The following GPC6 variants were observed in gnomAD, a reference collection of about 807,000 sequenced individuals.
The protein encoded by GPC6 is glypican 6.
In GPC6, 14 loss-of-function variants were observed where a neutral mutation model predicts 55.2. That is an observed-to-expected ratio of 0.25 (90% CI 0.17 to 0.40). The LOEUF (loss-of-function observed/expected upper bound fraction) is 0.40. Among genes scored for constraint, GPC6 ranks in the 10% least tolerant of loss-of-function variants. GPC6 has a pLI of 1.00. For missense variants in GPC6, 641 were observed against 708.5 expected, an observed-to-expected ratio of 0.90 and a Z score of 1.08; for synonymous variants, 278 against 259.6, an observed-to-expected ratio of 1.07 and a Z score of -0.68.
Position 93,236,895 on chromosome 13 carries a change from A to G in GPC6, c.160+9279A>G, listed in dbSNP as rs1245057420. 2.0e-5 allele frequency among the ~76,000 whole-genome samples: 3 copies of G among 152,188 alleles called. No homozygotes were observed. In the South Asian group the frequency reaches 6.2e-4, roughly 32 times the overall value. On this transcript the variant is annotated intron_variant, in intron 1 of 8. Transcript: ENST00000377047. ...TTCCATCCAAGTTACTGCAAAAGAC[A>G]TGATTTCATTTTTTTAGGGCTGAGT...
At chr13:93,935,801 G>A (rs1214528337) in intron 3 of GPC6, among the ~76,000 whole-genome samples, 5 of 152,072 alleles carry the variant, frequency 3.3e-5, no homozygotes, top group African/African-American at 7.2e-5. Context: ...TACCCCTCAG[G>A]CAGTGTTTAT....
chr13:93,523,658 A>G (rs1881535694), intron 1 of GPC6, among the ~76,000 whole-genome samples: 1 of 151,964 alleles, frequency 6.6e-6, no homozygotes, highest in Non-Finnish European at 1.5e-5. Context: ...TCCTAAGTTG[A>G]AAGACAAAGA....
At chr13:93,973,172 A>T (rs1228127014) in intron 3 of GPC6, among the ~76,000 whole-genome samples, 1 of 152,174 alleles carries the variant, frequency 6.6e-6, no homozygotes, top group African/African-American at 2.4e-5. Flanking sequence ...CTACACACCT[A>T]GGCTATGTGG....
chr13:93,485,951 G>A (rs186028477), intron 1 of GPC6, among the ~76,000 whole-genome samples: 6 of 152,154 alleles, frequency 3.9e-5, no homozygotes, highest in Non-Finnish European at 8.8e-5. Context: ...GGATAAACTT[G>A]GAATTAAGAA....
At chr13:93,889,760 C>T (rs1193860385) in intron 3 of GPC6, among the ~76,000 whole-genome samples, 1 of 152,102 alleles carries the variant, frequency 6.6e-6, no homozygotes, top group East Asian at 1.9e-4. Context: ...GCCATTTGAT[C>T]AGCACAGTCT....
intron 6 of GPC6, among the ~76,000 whole-genome samples, chr13:94,339,091 G>T (rs184130804): frequency 6.6e-6 from 1 of 151,904 alleles, no homozygotes; most frequent in African/African-American, 2.4e-5. Context: ...AAGAGACGGG[G>T]TCTTGCTCTG....
chr13:94,242,274 G>A (rs565946465), intron 4 of GPC6, among the ~76,000 whole-genome samples: 5 of 152,078 alleles, frequency 3.3e-5, no homozygotes, highest in Middle Eastern at 3.4e-3. Context: ...CTGAATATAG[G>A]AACACTTTTA....
chr13:94,046,682 CT>C (rs1883743440), intron 4 of GPC6, among the ~76,000 whole-genome samples: 1 of 152,094 alleles, frequency 6.6e-6, no homozygotes, highest in Admixed American at 6.6e-5. Context: ...TCATTTTCCA[CT>C]TTTCTGCATT....
At chr13:93,781,065 C>G (rs1039157819) in intron 2 of GPC6, among the ~76,000 whole-genome samples, 3 of 151,740 alleles carry the variant, frequency 2.0e-5, no homozygotes, top group African/African-American at 4.8e-5. Context: ...ATCACAAGGT[C>G]CAGAGATCGA....
intron 4 of GPC6, among the ~76,000 whole-genome samples, chr13:94,101,949 T>TA (rs1323494840): frequency 1.3e-5 from 2 of 152,070 alleles, no homozygotes; most frequent in Admixed American, 1.3e-4. Context: ...AACACTGATT[T>TA]AAAAAAATGA....
intron 1 of GPC6, among the ~76,000 whole-genome samples, chr13:93,331,755 G>C (rs1287547905): frequency 6.6e-6 from 1 of 151,928 alleles, no homozygotes; most frequent in African/African-American, 2.4e-5. Context: ...AATATGCTCT[G>C]TTAATGGTTA....
intron 3 of GPC6, among the ~76,000 whole-genome samples, chr13:94,017,931 C>A (rs750497998): frequency 6.6e-6 from 1 of 152,044 alleles, no homozygotes; most frequent in Non-Finnish European, 1.5e-5. Context: ...CCGCCTCAGC[C>A]TCCCAAAGTG....
Position 93,871,024 on chromosome 13 carries a change from C to T in GPC6, c.711+40479C>T, listed in dbSNP as rs575353149. On this transcript the variant is annotated intron_variant, in intron 3 of 8. Transcript: ENST00000377047. ...GCAGGACAGTTAAAAATTTTTTCAC[C>T]GCTACTTTGAGTTTAGGTTTTGTAT... Among the ~76,000 whole-genome samples the T allele has an allele frequency of 3.3e-5, 5 of 151,836 alleles. No individual in the cohort carries two copies. The East Asian group carries it at 7.8e-4, about 24-fold the overall frequency.
chr13:93,852,952 C>A (rs1888457919), intron 3 of GPC6, among the ~76,000 whole-genome samples: 1 of 151,558 alleles, frequency 6.6e-6, no homozygotes, highest in South Asian at 2.1e-4. Context: ...GTATTTTAAT[C>A]TTATGCAGGC....
intron 2 of GPC6, among the ~76,000 whole-genome samples, chr13:93,747,117 G>A (rs915395184): frequency 5.9e-5 from 9 of 152,210 alleles, no homozygotes; most frequent in African/African-American, 1.9e-4. Context: ...GTTTTCCAGT[G>A]AGGAGCTGAT....
intron 1 of GPC6, among the ~76,000 whole-genome samples, chr13:93,348,529 T>C (rs1480157110): frequency 6.6e-6 from 1 of 152,216 alleles, no homozygotes; most frequent in African/African-American, 2.4e-5. Flanking sequence ...ACCCTGCCTC[T>C]GATTAAAGTA....
intron 1 of GPC6, among the ~76,000 whole-genome samples, chr13:93,423,982 C>T (rs901257668): frequency 6.6e-6 from 1 of 152,040 alleles, no homozygotes; most frequent in Non-Finnish European, 1.5e-5. Flanking sequence ...TGCTCCTACC[C>T]TCCTTTGCAA....
At chr13:94,023,915 T>C (rs1218364217) in intron 3 of GPC6, among the ~76,000 whole-genome samples, 1 of 152,022 alleles carries the variant, frequency 6.6e-6, no homozygotes, top group Non-Finnish European at 1.5e-5. Context: ...TATATAGAAT[T>C]CTTGAAATGA....
At chr13:93,947,002 T>A (rs2892675) in intron 3 of GPC6, among the ~76,000 whole-genome samples, 116,492 of 152,106 alleles carry the variant, frequency 0.77, 44,822 homozygotes, top group South Asian at 0.81. Flanking sequence ...ATAAAGGAGT[T>A]TTCCTGACTT....
Sources: allele counts gnomAD v4.1 joint callset (sites outside exome capture counted in the v4.1 genomes callset), GRCh38; gene constraint gnomAD v4.1.1; transcripts MANE v1.5; gene names NCBI Gene and HGNC (gene_info 2026-07-23, HGNC 2026-07-21).